ITSN1: variants seen among roughly 807,000 people sequenced by gnomAD.
ITSN1 encodes the protein intersectin-1.
Under a neutral mutation model 239.8 loss-of-function variants are expected in ITSN1, and 58 were observed. That is an observed-to-expected ratio of 0.24 (90% confidence interval 0.20 to 0.30). The LOEUF (loss-of-function observed/expected upper bound fraction) is 0.30, where lower values mean the gene tolerates loss of function less well. Among genes scored for constraint, ITSN1 ranks in the 10% least tolerant of loss-of-function variants. ITSN1 has a pLI of 1.00. For synonymous variants in ITSN1, 780 were observed against 770.8 expected, an observed-to-expected ratio of 1.01 and a Z score of -0.20; for missense variants, 1,558 against 2,103.3, an observed-to-expected ratio of 0.74 and a Z score of 5.07.
In ITSN1 at chr21:33,651,742, G is replaced by C. The variant is rs8128662; in HGVS notation, c.-33+9029G>C. 6.6e-3 allele frequency among the ~76,000 whole-genome samples: 1,002 copies of C among 152,302 alleles called. 13 individuals are homozygous for C. The highest frequency in any genetic ancestry group is 0.023 in the African/African-American group (965 of 41,564). On this transcript the variant is annotated intron_variant, in intron 1 of 39. Coordinates refer to ENST00000381318, the MANE Select transcript of ITSN1 (RefSeq NM_003024.3). Reference sequence around the variant, plus strand: ...GGCTTTTGCATTGTCTATAGAAGCTGTTCTCTTTGAGGAAGATCTGTTTTG... The same window carrying C: ...GGCTTTTGCATTGTCTATAGAAGCTCTTCTCTTTGAGGAAGATCTGTTTTG...
At chr21:33,812,352 C>G (rs1027996709) in intron 21 of ITSN1, among the ~76,000 whole-genome samples, 75 of 152,224 alleles carry the variant, frequency 4.9e-4, no homozygotes, top group Non-Finnish European at 4.4e-5. Flanking sequence ...AGTTCTCTTG[C>G]TATAATTATG....
At chr21:33,714,868 G>A (rs2065048658) in intron 1 of ITSN1, among the ~76,000 whole-genome samples, 1 of 152,092 alleles carries the variant, frequency 6.6e-6, no homozygotes, top group African/African-American at 2.4e-5. Context: ...TAGCTGTGTA[G>A]TGAAAGAATA....
intron 5 of ITSN1, among the ~76,000 whole-genome samples, chr21:33,739,885 A>G (rs923409007): frequency 2.1e-4 from 32 of 152,240 alleles, no homozygotes; most frequent in Non-Finnish European, 4.4e-4. Context: ...ACTGGAATGT[A>G]GGGGACAAGA....
chr21:33,820,214 C>T (rs1291366124), intron 24 of ITSN1, among the ~76,000 whole-genome samples: 2 of 152,060 alleles, frequency 1.3e-5, no homozygotes, highest in African/African-American at 4.8e-5. Flanking sequence ...GTGACATAAT[C>T]CTAAATATTG....
chr21:33,695,872 C>T (rs180763113), intron 1 of ITSN1, among the ~76,000 whole-genome samples: 3 of 152,324 alleles, frequency 2.0e-5, no homozygotes, highest in East Asian at 3.9e-4. Context: ...CAGCTTTTCT[C>T]CCTTTCCTCA....
intron 20 of ITSN1, among the ~76,000 whole-genome samples, chr21:33,804,744 A>T (rs1186657000): frequency 1.3e-5 from 2 of 152,230 alleles, no homozygotes; most frequent in African/African-American, 4.8e-5. Context: ...TTGAGAACAC[A>T]GGCTGAGTGT....
At chr21:33,800,378 A>G (rs1175725479) in intron 19 of ITSN1, among the ~76,000 whole-genome samples, 1 of 152,038 alleles carries the variant, frequency 6.6e-6, no homozygotes, top group African/African-American at 2.4e-5. Context: ...ACACAAAAGG[A>G]TCCTCCAAGG....
chr21:33,708,492 A>G (rs1004359875), intron 1 of ITSN1, among the ~76,000 whole-genome samples: 5 of 152,108 alleles, frequency 3.3e-5, no homozygotes, highest in African/African-American at 1.2e-4. Context: ...GGTTCAGGCC[A>G]TTCTCCTGCC....
Position 33,888,440 on chromosome 21 carries a change from G to T in ITSN1, c.*140G>T. The T allele has an allele frequency of 1.3e-6, 1 of 793,750 alleles. No individual in the cohort carries two copies. The highest frequency in any genetic ancestry group is 1.9e-6 in the Non-Finnish European group (1 of 514,104). The allele number at this position is 793,750 out of a possible 1,614,324, so 49.2% of individuals were successfully genotyped here. On this transcript the variant is annotated 3_prime_UTR_variant, in exon 40 of 40. Transcript: ENST00000381318. ...GGATGGCAAAGACAGGCCCCTCAAA[G>T]CTCCTAGGAATCATTCTCGACAATC... is the stretch of plus-strand genomic sequence containing the variant.
chr21:33,741,303 C>G (rs932013666), intron 5 of ITSN1, among the ~76,000 whole-genome samples: 1 of 152,030 alleles, frequency 6.6e-6, no homozygotes, highest in Non-Finnish European at 1.5e-5. Context: ...GTATAGTTAT[C>G]AAAAGAACCA....
intron 16 of ITSN1, among the ~76,000 whole-genome samples, chr21:33,787,371 A>G (rs555854405): frequency 1.3e-5 from 2 of 152,360 alleles, no homozygotes; most frequent in East Asian, 1.9e-4. Context: ...CTAATTCACA[A>G]TTATGATTTA....
At chr21:33,881,823 T>G (rs550155576) in intron 34 of ITSN1, among the ~76,000 whole-genome samples, 2 of 151,442 alleles carry the variant, frequency 1.3e-5, no homozygotes, top group East Asian at 3.9e-4. Flanking sequence ...TCTACAAAAG[T>G]TTTTTTCACA....
At chr21:33,701,400 C>T (rs890066645) in intron 1 of ITSN1, among the ~76,000 whole-genome samples, 6 of 152,120 alleles carry the variant, frequency 3.9e-5, no homozygotes, top group African/African-American at 1.2e-4. Flanking sequence ...GCTGGGATTA[C>T]AGGTGTGAGC....
intron 32 of ITSN1, 100 bp from the exon 33 acceptor site, chr21:33,867,133 T>A: frequency 1.4e-6 from 1 of 718,136 alleles, no homozygotes. Flanking sequence ...TCCAGATAAA[T>A]GAGATAATGG....
chr21:33,699,717 T>C (rs2091929684), intron 1 of ITSN1, among the ~76,000 whole-genome samples: 1 of 152,148 alleles, frequency 6.6e-6, no homozygotes, highest in East Asian at 1.9e-4. Flanking sequence ...AGGTCCTATC[T>C]CAAAAAATTA....
chr21:33,829,794 C>T, intron 27 of ITSN1, 49 bp downstream of exon 27: 1 of 1,602,966 alleles, frequency 6.2e-7, no homozygotes, highest in Non-Finnish European at 8.5e-7. Flanking sequence ...AGTTTCAATA[C>T]ACAAAATCTC....
chr21:33,786,540 T>A (rs1365310328), intron 16 of ITSN1, among the ~76,000 whole-genome samples: 2 of 152,224 alleles, frequency 1.3e-5, no homozygotes, highest in Admixed American at 1.3e-4. Context: ...TGACTTTACC[T>A]TGACCTTGGC....
intron 1 of ITSN1, among the ~76,000 whole-genome samples, chr21:33,652,683 A>G (rs1348620531): frequency 1.3e-5 from 2 of 152,134 alleles, no homozygotes; most frequent in Non-Finnish European, 2.9e-5. Flanking sequence ...ACCATCTCCA[A>G]AAACATCTTA....
intron 1 of ITSN1, among the ~76,000 whole-genome samples, chr21:33,666,432 A>G (rs2089934611): frequency 6.6e-6 from 1 of 151,342 alleles, no homozygotes; most frequent in African/African-American, 2.4e-5. Context: ...TCAACAGTAA[A>G]TTTTATGTTA....
Sources: allele counts gnomAD v4.1 joint callset (sites outside exome capture counted in the v4.1 genomes callset), GRCh38; gene constraint gnomAD v4.1.1; transcripts MANE v1.5; gene names NCBI Gene and HGNC (gene_info 2026-07-23, HGNC 2026-07-21).